Variants in PKNOX2 observed in about 807,000 individuals in gnomAD.
PKNOX2 encodes the protein PBX/knotted 1 homeobox 2.
PKNOX2 carries 14 observed loss-of-function variants against 53.1 expected under a neutral mutation model. The observed-to-expected ratio is 0.26, with a 90% CI of 0.17 to 0.41. The LOEUF is 0.41. PKNOX2 is among the 10% of genes least tolerant of loss of function. PKNOX2 has a pLI of 1.00. For missense variants in PKNOX2, 496 were observed against 602.8 expected, an observed-to-expected ratio of 0.82 and a Z score of 1.85; for synonymous variants, 257 against 242.8, an observed-to-expected ratio of 1.06 and a Z score of -0.54.
At chr11:125,409,631 A>G (rs1955366385) in intron 7 of PKNOX2, among the ~76,000 whole-genome samples, 1 of 152,096 alleles carries the variant, frequency 6.6e-6, no homozygotes, top group African/African-American at 2.4e-5. Flanking sequence ...CTAGTGTGAC[A>G]GGCCTGTGAT....
At chr11:125,265,054 G>C (rs918374433) in intron 2 of PKNOX2, among the ~76,000 whole-genome samples, 1 of 152,108 alleles carries the variant, frequency 6.6e-6, no homozygotes, top group African/African-American at 2.4e-5. Context: ...TCTGGGAGGC[G>C]AAGGCGGGCA....
chr11:125,305,061 G>A (rs186418475), intron 2 of PKNOX2, among the ~76,000 whole-genome samples: 42 of 152,236 alleles, frequency 2.8e-4, no homozygotes, highest in Non-Finnish European at 4.6e-4. Flanking sequence ...ATCTGGATTC[G>A]AACCCATCTG....
chr11:125,318,813 C>A (rs1484274084), intron 2 of PKNOX2, among the ~76,000 whole-genome samples: 1 of 152,164 alleles, frequency 6.6e-6, no homozygotes, highest in Non-Finnish European at 1.5e-5. Flanking sequence ...GAGTTTCCCC[C>A]ATGCTGTTCT....
chr11:125,271,959 T>G (rs1424059062), intron 2 of PKNOX2, among the ~76,000 whole-genome samples: 1 of 152,252 alleles, frequency 6.6e-6, no homozygotes, highest in Non-Finnish European at 1.5e-5. Flanking sequence ...CTTGCTTTCC[T>G]AATGCCCTGT....
chr11:125,411,458 GTCTTTCTCTCTCTCTCTCTC>G, intron 9 of PKNOX2: 2 of 321,582 alleles, frequency 6.2e-6, no homozygotes, highest in African/African-American at 5.7e-5. Context: ...TGTTTCCTCT[GTCTTTCTCTCTCTCTCTCTC>G]TCTCTCTCTC....
At chr11:125,193,312 C>T (rs575210255) in intron 1 of PKNOX2, among the ~76,000 whole-genome samples, 15 of 152,318 alleles carry the variant, frequency 9.8e-5, no homozygotes, top group African/African-American at 3.4e-4. Flanking sequence ...CGGCAGAAAG[C>T]CCCCTCTCTA....
chr11:125,401,707 A>G (rs1954760407), intron 7 of PKNOX2, among the ~76,000 whole-genome samples: 1 of 152,008 alleles, frequency 6.6e-6, no homozygotes, highest in Admixed American at 6.6e-5. Flanking sequence ...TCAGTGCAGG[A>G]GGCAGGTCTT....
At chr11:125,244,691 T>C (rs1210160120) in intron 2 of PKNOX2, among the ~76,000 whole-genome samples, 2 of 152,230 alleles carry the variant, frequency 1.3e-5, no homozygotes, top group Admixed American at 6.5e-5. Flanking sequence ...TCAATTAAAT[T>C]AGTGCAAACA....
At chr11:125,324,645 C>A (rs980581958) in intron 2 of PKNOX2, among the ~76,000 whole-genome samples, 1 of 152,198 alleles carries the variant, frequency 6.6e-6, no homozygotes, top group Non-Finnish European at 1.5e-5. Flanking sequence ...GTGGAGGATG[C>A]AGCAGCCCCC....
chr11:125,325,468 T>TGACA (rs1949772981), intron 2 of PKNOX2, among the ~76,000 whole-genome samples: 1 of 152,162 alleles, frequency 6.6e-6, no homozygotes, highest in Admixed American at 6.5e-5. Flanking sequence ...AAGGAAGGAA[T>TGACA]GACAGACACC....
chr11:125,314,107 C>A (rs1188376405), intron 2 of PKNOX2, among the ~76,000 whole-genome samples: 1 of 152,134 alleles, frequency 6.6e-6, no homozygotes, highest in South Asian at 2.1e-4. Context: ...TGCAGGGCTG[C>A]GGAGCCCTGT....
At chr11:125,238,559 C>G (rs1356801918) in intron 2 of PKNOX2, among the ~76,000 whole-genome samples, 1 of 152,178 alleles carries the variant, frequency 6.6e-6, no homozygotes, top group Non-Finnish European at 1.5e-5. Context: ...TTGTATGACA[C>G]TCAGTTGACT....
intron 2 of PKNOX2, among the ~76,000 whole-genome samples, chr11:125,265,328 CT>C (rs1203581884): frequency 6.6e-6 from 1 of 152,066 alleles, no homozygotes; most frequent in Non-Finnish European, 1.5e-5. Flanking sequence ...AGTTTAAAGA[CT>C]TTAACTTAGG....
intron 1 of PKNOX2, among the ~76,000 whole-genome samples, chr11:125,225,186 C>G (rs2135521936): frequency 6.6e-6 from 1 of 152,314 alleles, no homozygotes; most frequent in East Asian, 1.9e-4. Flanking sequence ...TTCTGAAACG[C>G]CTGCTGGGGA....
intron 2 of PKNOX2, among the ~76,000 whole-genome samples, chr11:125,269,466 A>C (rs1945621172): frequency 6.6e-6 from 1 of 152,356 alleles, no homozygotes; most frequent in Admixed American, 6.5e-5. Flanking sequence ...TTGGCATGTC[A>C]TTTAATTCCA....
chr11:125,355,713 C>T (rs1303093901), intron 4 of PKNOX2, among the ~76,000 whole-genome samples: 3 of 152,104 alleles, frequency 2.0e-5, no homozygotes, highest in African/African-American at 7.2e-5. Context: ...ACTGACCCTT[C>T]CATTTGCTAC....
At chr11:125,224,270 G>T (rs914340338) in intron 1 of PKNOX2, among the ~76,000 whole-genome samples, 38 of 152,386 alleles carry the variant, frequency 2.5e-4, no homozygotes, top group African/African-American at 7.5e-4. Flanking sequence ...AAGCTCTGTG[G>T]CTGGCAGGTG....
intron 1 of PKNOX2, among the ~76,000 whole-genome samples, chr11:125,206,481 G>T (rs1055685408): frequency 1.3e-5 from 2 of 152,090 alleles, no homozygotes; most frequent in African/African-American, 4.8e-5. Context: ...GGGAAAGCAG[G>T]CAGGGCCAGG....
rs1938857069 is a variant in PKNOX2, at chr11:125,204,651, C to G, written c.-200-30394C>G. On this transcript the variant is annotated intron_variant, in intron 1 of 12. Coordinates refer to ENST00000298282, the MANE Select transcript of PKNOX2 (RefSeq NM_001382323.2). ...TCCAAGCCTACCTGCCTTAAAGGAG[C>G]TCGCCTCCCATTTCAATTGTGAATT... Among the ~76,000 whole-genome samples the G allele has an allele frequency of 3.3e-5, 5 of 152,318 alleles. No individual in the cohort carries two copies. The South Asian group carries it at 1.0e-3, about 32-fold the overall frequency.
Sources: gnomAD v4.1 joint callset for allele counts (sites outside exome capture counted in the v4.1 genomes callset) on GRCh38, gnomAD v4.1.1 for gene constraint, MANE v1.5 for transcripts, NCBI Gene and HGNC (gene_info 2026-07-23, HGNC 2026-07-21) for gene names.